Variants in CIAO1 observed in about 807,000 individuals in gnomAD.
CIAO1 encodes the protein cytosolic iron-sulfur assembly component 1.
Under a neutral mutation model 43.1 loss-of-function variants are expected in CIAO1, and 32 were observed. That is an observed-to-expected ratio of 0.74 (90% CI 0.56 to 1.00). The LOEUF (loss-of-function observed/expected upper bound fraction) is 1.00, where lower values mean the gene tolerates loss of function less well. CIAO1 is among the 50% of genes least tolerant of loss of function. The pLI is 0.00. For missense variants in CIAO1, 415 were observed against 437.4 expected, an observed-to-expected ratio of 0.95 and a Z score of 0.46; for synonymous variants, 183 against 171.4, an observed-to-expected ratio of 1.07 and a Z score of -0.53.
chr2:96,267,468 A>C lies in CIAO1; in HGVS notation c.287A>C (p.Glu96Ala). 6.2e-7 allele frequency: 1 copy of C among 1,614,048 alleles called. No individual in the cohort carries two copies. The highest frequency in any genetic ancestry group is 8.5e-7 in the Non-Finnish European group (1 of 1,179,924). The change falls in exon 2 of 7, where the codon GAG becomes GCG. Residue 96 changes from glutamate (E) to alanine (A), a missense_variant and splice_region_variant. Coordinates refer to ENST00000488633, the MANE Select transcript of CIAO1 (RefSeq NM_004804.3). ...TGGAAGAAGAACCAGGATGACTTTG[A>C]GGTACCCAGGCTGGTTGGGACCAGA... ...CIWKKNQDDF[E>A]CVTTLEGHEN...
At position 96,268,612 on chromosome 2, in the gene CIAO1, C is replaced by T. The variant is rs1027780080; in HGVS notation, c.645C>T (p.Asp215=). The T allele has an allele frequency of 1.2e-6, 2 of 1,614,062 alleles. No homozygotes were observed. Among genetic ancestry groups the T allele is most frequent in the African/African-American group, 2.7e-5 (2 of 74,916 alleles). Residue 215 remains aspartate, a synonymous_variant, in exon 5 of 7, where the codon GAC becomes GAT. Transcript: ENST00000488633. Reference sequence around the variant, plus strand: ...AGCGCCTGGCGTCTTGTAGTGATGACCGTACTGTGCGTATCTGGCGTCAGT... The same window carrying T: ...AGCGCCTGGCGTCTTGTAGTGATGATCGTACTGTGCGTATCTGGCGTCAGT... ...SGQRLASCSD[D]RTVRIWRQYL...
Position 96,271,832 on chromosome 2 carries a change from T to A in CIAO1, c.*481T>A, listed in dbSNP as rs913116540. 14 of 155,442 alleles carry A rather than the reference T, an allele frequency of 9.0e-5. No individual in the cohort carries two copies. The highest frequency in any genetic ancestry group is 8.8e-4 in the Admixed American group (14 of 15,916). 9.6% of individuals were successfully genotyped at this position (155,442 alleles called of 1,614,324 possible). ...CTTTGCATTTAAGACATCCAATCAATAATGAAGGAAATTTTTTTCTGAATG... is the reference window on the plus strand; with the variant it reads ...CTTTGCATTTAAGACATCCAATCAAAAATGAAGGAAATTTTTTTCTGAATG... On this transcript the variant is annotated 3_prime_UTR_variant, in exon 7 of 7. Transcript: ENST00000488633.
At position 96,271,537 on chromosome 2, in the gene CIAO1, C is replaced by T. The variant is rs1684550138; in HGVS notation, c.*186C>T. 2 of 636,794 alleles carry T rather than the reference C, an allele frequency of 3.1e-6. No individual in the cohort carries two copies. Among genetic ancestry groups the T allele is most frequent in the East Asian group, 5.6e-5 (2 of 35,670 alleles). 39.4% of individuals were successfully genotyped at this position (636,794 alleles called of 1,614,324 possible). On this transcript the variant is annotated 3_prime_UTR_variant, in exon 7 of 7. Transcript: ENST00000488633. ...TTCCCCGCCTTTGACATGAGGCCTTCAGTAAAGAGCTACAGAACATGAGTA... is the reference window on the plus strand; with the variant it reads ...TTCCCCGCCTTTGACATGAGGCCTTTAGTAAAGAGCTACAGAACATGAGTA...
At chr2:96,268,260 G>A (rs559320834) in intron 4 of CIAO1, among the ~76,000 whole-genome samples, 197 bp from the exon 5 acceptor site, 1 of 152,362 alleles carries the variant, frequency 6.6e-6, no homozygotes, top group South Asian at 2.1e-4. Context: ...GCTGAGGCAG[G>A]AGAATCACTT....
chr2:96,271,097 C>T lies in CIAO1; in HGVS notation c.780-14C>T. Reference sequence around the variant, plus strand: ...ATTAGTCAGGTATACCCACTGATGTCACTTTCCTTCCAGGTGTCAGCTGAC... The same window carrying T: ...ATTAGTCAGGTATACCCACTGATGTTACTTTCCTTCCAGGTGTCAGCTGAC... On this transcript the variant is annotated splice_polypyrimidine_tract_variant and intron_variant, in intron 6 of 6. Coordinates refer to ENST00000488633, the MANE Select transcript of CIAO1 (RefSeq NM_004804.3). The T allele has an allele frequency of 2.5e-6, 4 of 1,614,094 alleles. No individual in the cohort carries two copies. The highest frequency in any genetic ancestry group is 3.4e-6 in the Non-Finnish European group (4 of 1,179,990).
At chr2:96,269,101 G>C (rs1040489463) in intron 5 of CIAO1, 167 bp from the exon 6 acceptor site, 3 of 636,184 alleles carry the variant, frequency 4.7e-6, no homozygotes, top group African/African-American at 3.7e-5. Context: ...CTTGAGAAAC[G>C]CCAGTCTGGC....
In CIAO1 at chr2:96,273,021, G is replaced by A. The variant is rs1684583097; in HGVS notation, c.*1670G>A. On this transcript the variant is annotated 3_prime_UTR_variant, in exon 7 of 7. Coordinates refer to ENST00000488633, the MANE Select transcript of CIAO1 (RefSeq NM_004804.3). ...TACGGTATTTAGACTTGAATATTTG[G>A]CTGATATTTTCTGGAAATTAATGGA... is the stretch of plus-strand genomic sequence containing the variant. 6.6e-6 allele frequency: 1 copy of A among 152,150 alleles called. No homozygotes were observed. The highest frequency in any genetic ancestry group is 6.5e-5 in the Admixed American group (1 of 15,270). The allele number at this position is 152,150 out of a possible 1,614,324, so 9.4% of individuals were successfully genotyped here. A position where few individuals can be genotyped will look rare whatever the true frequency, so the allele number is the denominator to read the frequency against.
In CIAO1 at chr2:96,269,279, A is replaced by T. The variant is rs199619715; in HGVS notation, c.703A>T (p.Ser235Cys). 16 of 1,614,062 alleles carry T rather than the reference A, an allele frequency of 9.9e-6. No homozygotes were observed. The highest frequency in any genetic ancestry group is 1.3e-5 in the Non-Finnish European group (15 of 1,180,022). ...AGTCTGTCTTGCAGGGGTGGCATGC[A>T]GCGGCTCTGACCCCAGTTGGAAATG... Reference protein sequence around the residue: ...LPGNEQGVACSGSDPSWKCIC... With the variant: ...LPGNEQGVACCGSDPSWKCIC... Residue 235 changes from serine (S) to cysteine (C), a missense_variant, in exon 6 of 7, where the codon AGC becomes TGC. Ser to Cys is a moderately radical substitution (Grantham distance 112). Coordinates refer to ENST00000488633, the MANE Select transcript of CIAO1 (RefSeq NM_004804.3).
Position 96,267,480 on chromosome 2 carries a change from T to C in CIAO1, c.288+11T>C, listed in dbSNP as rs748157923. The C allele has an allele frequency of 9.3e-6, 15 of 1,613,746 alleles. No individual in the cohort carries two copies. In the Admixed American group the frequency reaches 2.5e-4, roughly 27 times the overall value. On this transcript the variant is annotated intron_variant, in intron 2 of 6. Coordinates refer to ENST00000488633, the MANE Select transcript of CIAO1 (RefSeq NM_004804.3). ...CAGGATGACTTTGAGGTACCCAGGCTGGTTGGGACCAGAATTATTGCCTGT... is the reference window on the plus strand; with the variant it reads ...CAGGATGACTTTGAGGTACCCAGGCCGGTTGGGACCAGAATTATTGCCTGT...
Position 96,269,326 on chromosome 2 carries a change from C to T in CIAO1, c.750C>T (p.Phe250=), listed in dbSNP as rs778899743. 1.2e-6 allele frequency: 2 copies of T among 1,614,128 alleles called. No individual in the cohort carries two copies. Among genetic ancestry groups the T allele is most frequent in the Non-Finnish European group, 1.7e-6 (2 of 1,180,004 alleles). The part of the protein sequence containing the change: ...SWKCICTLSG[F]HSRTIYDIAW... Reference sequence around the variant, plus strand: ...AATGTATCTGTACTTTGTCCGGCTTCCACTCAAGGACCATTTATGACATTG... The same window carrying T: ...AATGTATCTGTACTTTGTCCGGCTTTCACTCAAGGACCATTTATGACATTG... Residue 250 remains phenylalanine, a synonymous_variant, in exon 6 of 7, where the codon TTC becomes TTT. Transcript: ENST00000488633.
At position 96,268,502 on chromosome 2, in the gene CIAO1, G is replaced by A; in HGVS notation, c.535G>A (p.Glu179Lys). Residue 179 changes from glutamate to lysine, a missense_variant, in exon 5 of 7, where the codon GAG becomes AAG. Glu to Lys is a moderately conservative substitution (Grantham distance 56). Coordinates refer to ENST00000488633, the MANE Select transcript of CIAO1 (RefSeq NM_004804.3). ...TGATGACACAGTGAAGCTGTACCGG[G>A]AGGAAGAGGATGACTGGGTATGCTG... ...SYDDTVKLYR[E>K]EEDDWVCCAT... The A allele has an allele frequency of 6.2e-7, 1 of 1,614,240 alleles. No homozygotes were observed. The highest frequency in any genetic ancestry group is 8.5e-7 in the Non-Finnish European group (1 of 1,180,050).
In CIAO1 at chr2:96,272,696, G is replaced by C. The variant is rs570718324; in HGVS notation, c.*1345G>C. 8.5e-5 allele frequency: 13 copies of C among 152,254 alleles called. No individual in the cohort carries two copies. Among genetic ancestry groups the C allele is most frequent in the African/African-American group, 2.9e-4 (12 of 41,510 alleles). The allele number at this position is 152,254 out of a possible 1,614,324, so 9.4% of individuals were successfully genotyped here. ...ATGGTGGTGCATGCCTGTAATTCCA[G>C]CTACTCGGGAGGCTGAGGCAAGAGA... is the stretch of plus-strand genomic sequence containing the variant. On this transcript the variant is annotated 3_prime_UTR_variant, in exon 7 of 7. Coordinates refer to ENST00000488633, the MANE Select transcript of CIAO1 (RefSeq NM_004804.3).
At position 96,271,446 on chromosome 2, in the gene CIAO1, T is replaced by C; in HGVS notation, c.*95T>C. ...AGGACCAGGAGGAGCATCCTTGACCTTCATTTAACTTGGCTCACTTCTCTT... is the reference window on the plus strand; with the variant it reads ...AGGACCAGGAGGAGCATCCTTGACCCTCATTTAACTTGGCTCACTTCTCTT... On this transcript the variant is annotated 3_prime_UTR_variant, in exon 7 of 7. Transcript: ENST00000488633. The C allele has an allele frequency of 6.9e-7, 1 of 1,443,950 alleles. No homozygotes were observed. The highest frequency in any genetic ancestry group is 1.4e-5 in the African/African-American group (1 of 70,812). The allele number at this position is 1,443,950 out of a possible 1,614,324, so 89.4% of individuals were successfully genotyped here.
At chr2:96,268,904 T>C (rs993805654) in intron 5 of CIAO1, 1 of 571,238 alleles carries the variant, frequency 1.8e-6, no homozygotes, top group East Asian at 3.0e-5. Context: ...CTCAACAGTG[T>C]GAGTAAAGAT....
chr2:96,273,570 G>A lies in CIAO1; in HGVS notation c.*2219G>A, dbSNP rs1032201597. On this transcript the variant is annotated 3_prime_UTR_variant, in exon 7 of 7. Transcript: ENST00000488633. Reference sequence around the variant, plus strand: ...CCCAGCTACTCGGGAGGCTGAGGCAGGAGAATAGCTTGAACCCGGGAGGTG... The same window carrying A: ...CCCAGCTACTCGGGAGGCTGAGGCAAGAGAATAGCTTGAACCCGGGAGGTG... Among the ~76,000 whole-genome samples, 2 of 151,352 alleles carry A rather than the reference G, an allele frequency of 1.3e-5. No individual in the cohort carries two copies. The highest frequency in any genetic ancestry group is 4.9e-5 in the African/African-American group (2 of 41,102).
Position 96,272,573 on chromosome 2 carries a change from G to T in CIAO1, c.*1222G>T, listed in dbSNP as rs563926884. ...TGCCTGTAATCCCAGCACTTTGGGA[G>T]GCTGAGGCGGGCGGATCACCTGAGG... On this transcript the variant is annotated 3_prime_UTR_variant, in exon 7 of 7. Coordinates refer to ENST00000488633, the MANE Select transcript of CIAO1 (RefSeq NM_004804.3). The T allele has an allele frequency of 2.8e-4, 43 of 152,412 alleles. No homozygotes were observed. The highest frequency in any genetic ancestry group is 8.9e-4 in the African/African-American group (37 of 41,578). The allele number at this position is 152,412 out of a possible 1,614,324, so 9.4% of individuals were successfully genotyped here. A position where few individuals can be genotyped will look rare whatever the true frequency, so the allele number is the denominator to read the frequency against.
rs1169433734 is a variant in CIAO1 at position 96,268,545 on chromosome 2, A to G, written c.578A>G (p.His193Arg). Residue 193 changes from histidine (H) to arginine (R), a missense_variant, in exon 5 of 7, where the codon CAT (histidine) becomes CGT (arginine). His to Arg is a conservative substitution (Grantham distance 29). Coordinates refer to ENST00000488633, the MANE Select transcript of CIAO1 (RefSeq NM_004804.3). ...DWVCCATLEG[H>R]ESTVWSLAFD... ...GTATGCTGTGCCACCCTTGAGGGCCATGAATCCACTGTGTGGAGCTTGGCC... is the reference window on the plus strand; with the variant it reads ...GTATGCTGTGCCACCCTTGAGGGCCGTGAATCCACTGTGTGGAGCTTGGCC... 1.9e-6 allele frequency: 3 copies of G among 1,614,108 alleles called. No homozygotes were observed. Among genetic ancestry groups the G allele is most frequent in the Non-Finnish European group, 1.7e-6 (2 of 1,180,042 alleles).
rs1267509056 is a variant in CIAO1, at chr2:96,271,095, G to A, written c.780-16G>A. On this transcript the variant is annotated splice_polypyrimidine_tract_variant and intron_variant, in intron 6 of 6. Transcript: ENST00000488633. ...TAATTAGTCAGGTATACCCACTGAT[G>A]TCACTTTCCTTCCAGGTGTCAGCTG... 4 of 1,614,072 alleles carry A rather than the reference G, an allele frequency of 2.5e-6. No individual in the cohort carries two copies. The highest frequency in any genetic ancestry group is 1.7e-5 in the Admixed American group (1 of 60,024).
At position 96,271,213 on chromosome 2, in the gene CIAO1, G is replaced by C; in HGVS notation, c.882G>C (p.Leu294=). ...ATCCACAGCAGCCCACCTTCTCCCT[G>C]ACAGCCCACTTGCATCAGGCCCATT... ...NSDPQQPTFS[L]TAHLHQAHSQ... Residue 294 remains leucine (L), a synonymous_variant, in exon 7 of 7, where the codon CTG becomes CTC. Coordinates refer to ENST00000488633, the MANE Select transcript of CIAO1 (RefSeq NM_004804.3). 6.2e-7 allele frequency: 1 copy of C among 1,614,220 alleles called. No homozygotes were observed. Among genetic ancestry groups the C allele is most frequent in the Non-Finnish European group, 8.5e-7 (1 of 1,180,044 alleles).
Sources: allele counts gnomAD v4.1 joint callset (sites outside exome capture counted in the v4.1 genomes callset), GRCh38; gene constraint gnomAD v4.1.1; transcripts MANE v1.5; gene names NCBI Gene and HGNC (gene_info 2026-07-23, HGNC 2026-07-21).